NCOA3: variants seen among roughly 807,000 people sequenced by gnomAD.
NCOA3 encodes CBP-interacting protein.
In NCOA3, 51 loss-of-function variants were observed where a neutral mutation model predicts 158.8. The observed-to-expected ratio is 0.32, with a 90% confidence interval of 0.26 to 0.41. The LOEUF is 0.41. NCOA3 is among the 10% of genes least tolerant of loss of function. The pLI is 1.00. For missense variants in NCOA3, 1,510 were observed against 1,746.6 expected, an observed-to-expected ratio of 0.86 and a Z score of 2.41; for synonymous variants, 537 against 592.4, an observed-to-expected ratio of 0.91 and a Z score of 1.36.
intron 1 of NCOA3, among the ~76,000 whole-genome samples, chr20:47,533,533 A>G (rs943832514): frequency 1.3e-5 from 2 of 152,084 alleles, no homozygotes; most frequent in African/African-American, 2.4e-5. Context: ...TGCCTTATAC[A>G]GTATATGGGT....
Position 47,647,208 on chromosome 20 carries a change from G to C in NCOA3, c.3388G>C (p.Gly1130Arg). 1 of 1,613,958 alleles carries C rather than the reference G, an allele frequency of 6.2e-7. No homozygotes were observed. Among genetic ancestry groups the C allele is most frequent in the Non-Finnish European group, 8.5e-7 (1 of 1,179,988 alleles). ...PPMQGGFHLQ[G>R]QSPSFNSMMN... ...AATGCAAGGAGGCTTTCATCTTCAG[G>C]GACAATCACCATCTTTTAACTCTAT... The change falls in exon 18 of 23, where the codon GGA (glycine) becomes CGA (arginine). Residue 1130 changes from glycine to arginine, a missense_variant. Transcript: ENST00000371998.
intron 2 of NCOA3, among the ~76,000 whole-genome samples, chr20:47,608,572 G>A (rs1207904036): frequency 2.0e-5 from 3 of 149,008 alleles, no homozygotes; most frequent in Non-Finnish European, 3.0e-5. Flanking sequence ...CCAGCAGATC[G>A]AGGCTACAGT....
intron 8 of NCOA3, among the ~76,000 whole-genome samples, chr20:47,630,608 A>G (rs911944213): frequency 4.0e-5 from 6 of 151,890 alleles, no homozygotes; most frequent in South Asian, 2.1e-4. Context: ...GACTACAGGT[A>G]TGTGCCACCA....
At chr20:47,555,632 G>GTTTTTTTTT (rs74178745) in intron 1 of NCOA3, among the ~76,000 whole-genome samples, 2 of 64,154 alleles carry the variant, frequency 3.1e-5, no homozygotes, top group Non-Finnish European at 5.4e-5. Context: ...CTATTAAAGT[G>GTTTTTTTTT]TTTTTTTTTT....
chr20:47,621,472 A>G (rs867984260), intron 2 of NCOA3, among the ~76,000 whole-genome samples: 1 of 152,112 alleles, frequency 6.6e-6, no homozygotes, highest in Non-Finnish European at 1.5e-5. Flanking sequence ...TCTTTGGTTG[A>G]CATGTAATTC....
chr20:47,601,413 A>G (rs2085860550), intron 2 of NCOA3, among the ~76,000 whole-genome samples: 1 of 152,370 alleles, frequency 6.6e-6, no homozygotes, highest in East Asian at 1.9e-4. Flanking sequence ...ACCAAAGGTT[A>G]TGGCGGTTTA....
intron 2 of NCOA3, among the ~76,000 whole-genome samples, chr20:47,589,903 ACTT>A (rs1279837233): frequency 6.6e-6 from 1 of 151,884 alleles, no homozygotes; most frequent in Non-Finnish European, 1.5e-5. Context: ...ATAAACATTG[ACTT>A]CTTGTATAAT....
intron 1 of NCOA3, among the ~76,000 whole-genome samples, chr20:47,542,571 G>A (rs1226280495): frequency 6.6e-6 from 1 of 152,184 alleles, no homozygotes; most frequent in Non-Finnish European, 1.5e-5. Context: ...CAGCACCTCA[G>A]GAAACTGAGG....
At position 47,653,597 on chromosome 20, in the gene NCOA3, T is replaced by C. The variant is rs2086831659; in HGVS notation, c.*180T>C. On this transcript the variant is annotated 3_prime_UTR_variant, in exon 23 of 23. Coordinates refer to ENST00000371998, the MANE Select transcript of NCOA3 (RefSeq NM_181659.3). ...GACTGGATTTTAAGCCGAAGGGCAA[T>C]ATCTACGTGTTTTTCCCCCCTCCTT... The C allele has an allele frequency of 2.8e-6, 2 of 723,468 alleles. No individual in the cohort carries two copies. The highest frequency in any genetic ancestry group is 5.0e-5 in the East Asian group (2 of 40,162). The allele number at this position is 723,468 out of a possible 1,614,324, so 44.8% of individuals were successfully genotyped here.
chr20:47,608,278 T>C (rs577530178), intron 2 of NCOA3, among the ~76,000 whole-genome samples: 19 of 152,148 alleles, frequency 1.2e-4, no homozygotes, highest in Admixed American at 1.2e-3. Flanking sequence ...GGCATTGCAC[T>C]CCAGCCCAGC....
chr20:47,558,261 T>A (rs1312523716), intron 1 of NCOA3, among the ~76,000 whole-genome samples: 3 of 112,236 alleles, frequency 2.7e-5, no homozygotes, highest in Non-Finnish European at 3.9e-5. Context: ...TTTTTTTTTT[T>A]AGTAGAGATG....
At chr20:47,567,780 A>G (rs1269509961) in intron 1 of NCOA3, among the ~76,000 whole-genome samples, 1 of 152,118 alleles carries the variant, frequency 6.6e-6, no homozygotes, top group Non-Finnish European at 1.5e-5. Flanking sequence ...CATGTTGGCC[A>G]GGCTGGTCTC....
chr20:47,648,966 G>A (rs72645296), intron 18 of NCOA3, 39 bp from the exon 19 acceptor site: 58 of 1,316,578 alleles, frequency 4.4e-5, no homozygotes, highest in South Asian at 9.7e-5. Context: ...GCAGACTGAC[G>A]TGCTCTGCTT....
intron 2 of NCOA3, among the ~76,000 whole-genome samples, chr20:47,598,367 G>A (rs975486718): frequency 2.6e-5 from 4 of 151,536 alleles, no homozygotes; most frequent in South Asian, 2.1e-4. Context: ...ATGGAGTTTC[G>A]CTCTGTCGCT....
rs370364117 is a variant in NCOA3 at position 47,532,831 on chromosome 20, C to T, written c.-99+30812C>T. Reference sequence around the variant, plus strand: ...TCCAAAAAGATCATTTGGCTGGGCACGGTGGCTCACACCTGTAATCCCAGC... The same window carrying T: ...TCCAAAAAGATCATTTGGCTGGGCATGGTGGCTCACACCTGTAATCCCAGC... On this transcript the variant is annotated intron_variant, in intron 1 of 22. Transcript: ENST00000371998. 1.7e-4 allele frequency among the ~76,000 whole-genome samples: 26 copies of T among 152,074 alleles called. No homozygotes were observed. In the East Asian group the frequency reaches 2.5e-3, roughly 15 times the overall value.
At chr20:47,626,201 T>G (rs2146304292) in intron 5 of NCOA3, among the ~76,000 whole-genome samples, 1 of 152,384 alleles carries the variant, frequency 6.6e-6, no homozygotes, top group South Asian at 2.1e-4. Flanking sequence ...GTTTAGGGGC[T>G]GAAGCCCTTC....
chr20:47,578,721 C>T (rs2425974), intron 1 of NCOA3, among the ~76,000 whole-genome samples: 140,818 of 152,244 alleles, frequency 0.92, 65,260 homozygotes, highest in African/African-American at 0.98. Flanking sequence ...TTTGGTGACC[C>T]AGTCTACTCT....
At chr20:47,615,489 T>A (rs945616021) in intron 2 of NCOA3, among the ~76,000 whole-genome samples, 2 of 152,228 alleles carry the variant, frequency 1.3e-5, no homozygotes, top group African/African-American at 4.8e-5. Context: ...CCCTCCTGTC[T>A]TAATCCCAAA....
At chr20:47,531,346 A>G (rs1259757730) in intron 1 of NCOA3, among the ~76,000 whole-genome samples, 2 of 151,692 alleles carry the variant, frequency 1.3e-5, no homozygotes, top group African/African-American at 4.9e-5. Context: ...ATCTCAAACA[A>G]ACAAACAAAC....
Sources: gnomAD v4.1 joint callset for allele counts (sites outside exome capture counted in the v4.1 genomes callset) on GRCh38, gnomAD v4.1.1 for gene constraint, MANE v1.5 for transcripts, NCBI Gene and HGNC (gene_info 2026-07-23, HGNC 2026-07-21) for gene names.